Variants in JHY observed in about 807,000 individuals in gnomAD.
JHY encodes junctional cadherin complex regulator.
A neutral mutation model predicts 78.0 loss-of-function variants in JHY; 69 were observed. The ratio of observed to expected loss-of-function variants is 0.88; its 90% CI spans 0.73 to 1.08. JHY has a LOEUF of 1.08. Ranked by LOEUF, JHY falls within the 50% of genes least tolerant of loss-of-function variation. The pLI, the probability that JHY is intolerant of heterozygous loss-of-function variation, is 0.00. For missense variants in JHY, 944 were observed against 927.8 expected, an observed-to-expected ratio of 1.02 and a Z score of -0.23; for synonymous variants, 368 against 342.6, an observed-to-expected ratio of 1.07 and a Z score of -0.82.
intron 3 of JHY, among the ~76,000 whole-genome samples, chr11:122,922,740 G>C (rs2135337200): frequency 6.7e-6 from 1 of 150,100 alleles, no homozygotes; most frequent in Middle Eastern, 3.6e-3. Context: ...AACCCGGGAG[G>C]CGGAGCTTGC....
chr11:122,934,641 C>T lies in JHY; in HGVS notation c.1200C>T (p.Asn400=). The T allele has an allele frequency of 1.2e-6, 2 of 1,614,120 alleles. No individual in the cohort carries two copies. The highest frequency in any genetic ancestry group is 2.7e-5 in the African/African-American group (2 of 75,042). ...NQNNPPRQQQ[N]QNKPLDTSTK... ...ATAACCCTCCCAGGCAGCAACAAAA[C>T]CAAAATAAGCCTCTTGATACTTCAA... The change falls in exon 5 of 9, where the codon AAC becomes AAT. Residue 400 remains asparagine, a synonymous_variant. Coordinates refer to ENST00000227349, the MANE Select transcript of JHY (RefSeq NM_024806.4).
At chr11:122,886,272 G>T in intron 2 of JHY, 79 bp downstream of exon 2, 1 of 1,385,908 alleles carries the variant, frequency 7.2e-7, no homozygotes, top group South Asian at 1.4e-5. Context: ...TTCCAAATTA[G>T]AGTAAGGGCA....
At chr11:122,899,903 C>T (rs990365670) in intron 2 of JHY, among the ~76,000 whole-genome samples, 1 of 152,166 alleles carries the variant, frequency 6.6e-6, no homozygotes, top group African/African-American at 2.4e-5. Context: ...TGTGCCCTGC[C>T]GGACACTGCT....
rs576955373 is a variant in JHY at position 122,920,853 on chromosome 11, A to G, written c.865-4044A>G. Among the ~76,000 whole-genome samples the G allele has an allele frequency of 4.3e-4, 66 of 152,252 alleles. 1 individual carries two copies. The highest frequency in any genetic ancestry group is 1.6e-3 in the African/African-American group (65 of 41,536). ...CAAGCCTTTGAAGTCCTCCCTGCAA[A>G]GGCCGGTTTTCTAGTCTGGGATAAT... On this transcript the variant is annotated intron_variant, in intron 3 of 8. Coordinates refer to ENST00000227349, the MANE Select transcript of JHY (RefSeq NM_024806.4).
At chr11:122,929,938 T>C (rs1863601756) in intron 4 of JHY, among the ~76,000 whole-genome samples, 1 of 152,118 alleles carries the variant, frequency 6.6e-6, no homozygotes, top group South Asian at 2.1e-4. Context: ...ATTGGTGGCC[T>C]GAACAGAGCA....
intron 8 of JHY, among the ~76,000 whole-genome samples, chr11:122,958,130 T>C (rs1278872261): frequency 6.6e-6 from 1 of 152,182 alleles, no homozygotes; most frequent in East Asian, 1.9e-4. Context: ...AAAAATGATT[T>C]CATGGAATAC....
rs1862419393 is a variant in JHY at position 122,883,142 on chromosome 11, A to G, written c.-90+170A>G. On this transcript the variant is annotated intron_variant, in intron 1 of 8. Transcript: ENST00000227349. This position sits in a 1 kb window ranked among gnomAD's most constrained non-coding sequence, Gnocchi z 4.4. ...GGAGCGACAAGGGGGCGAGGCCGCG[A>G]CAAGGGGCTGGGGGGCCGCCATGCG... is the stretch of plus-strand genomic sequence containing the variant. Among the ~76,000 whole-genome samples, 1 of 152,030 alleles carries G rather than the reference A, an allele frequency of 6.6e-6. No individual in the cohort carries two copies. Among genetic ancestry groups the G allele is most frequent in the Non-Finnish European group, 1.5e-5 (1 of 67,970 alleles).
At chr11:122,946,865 G>A in intron 6 of JHY, 73 bp downstream of exon 6, 1 of 1,513,648 alleles carries the variant, frequency 6.6e-7, no homozygotes, top group East Asian at 2.3e-5. Flanking sequence ...TGTAATTATA[G>A]CCCTGGAATA....
Position 122,959,600 on chromosome 11 carries a change from C to A in JHY, c.*155C>A. 1 of 693,212 alleles carries A rather than the reference C, an allele frequency of 1.4e-6. No individual in the cohort carries two copies. The highest frequency in any genetic ancestry group is 2.3e-6 in the Non-Finnish European group (1 of 429,126). The allele number at this position is 693,212 out of a possible 1,614,324, so 42.9% of individuals were successfully genotyped here. A position where few individuals can be genotyped will look rare whatever the true frequency, so the allele number is the denominator to read the frequency against. On this transcript the variant is annotated 3_prime_UTR_variant, in exon 9 of 9. Coordinates refer to ENST00000227349, the MANE Select transcript of JHY (RefSeq NM_024806.4). ...TCTGCAGGATTTAAAATATGAGGCC[C>A]AATTGGATTATGGTGCCATATTTTA...
At chr11:122,928,502 C>T (rs568780224) in intron 4 of JHY, among the ~76,000 whole-genome samples, 1 of 150,610 alleles carries the variant, frequency 6.6e-6, no homozygotes, top group Non-Finnish European at 1.5e-5. Flanking sequence ...TATTGAGTAT[C>T]TACTGCATTC....
At chr11:122,932,047 C>A (rs1368500928) in intron 4 of JHY, among the ~76,000 whole-genome samples, 1 of 152,150 alleles carries the variant, frequency 6.6e-6, no homozygotes, top group Non-Finnish European at 1.5e-5. Flanking sequence ...AACAAAAGAA[C>A]CCCAGTGAGA....
intron 4 of JHY, among the ~76,000 whole-genome samples, chr11:122,933,596 C>T (rs780334514): frequency 6.6e-6 from 1 of 152,166 alleles, no homozygotes; most frequent in Non-Finnish European, 1.5e-5. Context: ...ATTGCCTAAG[C>T]GCAGGCTATA....
In JHY at chr11:122,962,192, T is replaced by C. The variant is rs950093456; in HGVS notation, c.*2747T>C. Among the ~76,000 whole-genome samples, 11 of 152,342 alleles carry C rather than the reference T, an allele frequency of 7.2e-5. No individual in the cohort carries two copies. Among genetic ancestry groups the C allele is most frequent in the African/African-American group, 2.4e-4 (10 of 41,586 alleles). Reference sequence around the variant, plus strand: ...AGAGTTTAATTTTCTACTTCCTTCCTTATATTAGATGGACATTACATTTTT... The same window carrying C: ...AGAGTTTAATTTTCTACTTCCTTCCCTATATTAGATGGACATTACATTTTT... On this transcript the variant is annotated 3_prime_UTR_variant, in exon 9 of 9. Transcript: ENST00000227349.
chr11:122,942,092 G>A (rs534486834), intron 5 of JHY, among the ~76,000 whole-genome samples: 4 of 152,120 alleles, frequency 2.6e-5, no homozygotes, highest in African/African-American at 4.8e-5. Flanking sequence ...GGCTGGTCTC[G>A]AACTCCTGAC....
At position 122,960,802 on chromosome 11, in the gene JHY, G is replaced by A. The variant is rs1388379432; in HGVS notation, c.*1357G>A. The stretch of plus-strand genomic sequence containing the variant: ...GCAATTGATTTGGAGAAGTCGCAGC[G>A]CTCACTGGTTCAGAAGCGCCATTAC... On this transcript the variant is annotated 3_prime_UTR_variant, in exon 9 of 9. Transcript: ENST00000227349. The A allele has an allele frequency of 2.0e-5, 11 of 561,120 alleles. 1 individual carries two copies. In the East Asian group the frequency reaches 2.0e-4, roughly 10 times the overall value. 34.8% of individuals were successfully genotyped at this position (561,120 alleles called of 1,614,324 possible). A position where few individuals can be genotyped will look rare whatever the true frequency, so the allele number is the denominator to read the frequency against.
chr11:122,891,112 G>A (rs1862606230), intron 2 of JHY, among the ~76,000 whole-genome samples: 1 of 152,198 alleles, frequency 6.6e-6, no homozygotes, highest in Non-Finnish European at 1.5e-5. Flanking sequence ...TGAAATTCAA[G>A]TAGGCTTTTA....
intron 6 of JHY, 110 bp downstream of exon 6, chr11:122,946,902 A>C: frequency 7.5e-7 from 1 of 1,338,410 alleles, no homozygotes; most frequent in South Asian, 1.5e-5. Context: ...AGTTGCTGCC[A>C]CACTGGGTCG....
Position 122,959,326 on chromosome 11 carries a change from C to G in JHY, c.2218C>G (p.Pro740Ala). Residue 740 changes from proline (P) to alanine (A), a missense_variant, in exon 9 of 9, where the codon CCA becomes GCA. Transcript: ENST00000227349. ...TCAAGCATCAAAGGAACAAAAAAAT[C>G]CAACCTATGCTGGGAAAGAAGAAAG... The part of the protein sequence containing the change: ...THQASKEQKN[P>A]TYAGKEESLP... The G allele has an allele frequency of 6.2e-7, 1 of 1,614,070 alleles. No individual in the cohort carries two copies. The highest frequency in any genetic ancestry group is 8.5e-7 in the Non-Finnish European group (1 of 1,180,002).
intron 3 of JHY, among the ~76,000 whole-genome samples, chr11:122,916,523 A>C (rs1863237542): frequency 6.6e-6 from 1 of 152,150 alleles, no homozygotes; most frequent in Non-Finnish European, 1.5e-5. Context: ...AGCATCTATG[A>C]TTTGCAGTTT....
Sources: gnomAD v4.1 joint callset for allele counts (sites outside exome capture counted in the v4.1 genomes callset) on GRCh38, gnomAD v4.1.1 for gene constraint, Gnocchi (gnomAD v3.1) non-coding constraint, MANE v1.5 for transcripts, NCBI Gene and HGNC (gene_info 2026-07-23, HGNC 2026-07-21) for gene names.